The following ATRNL1 variants were observed in gnomAD, a reference collection of about 807,000 sequenced individuals.
ATRNL1 encodes attractin like 1.
ATRNL1 carries 95 observed loss-of-function variants against 182.7 expected under a neutral mutation model. The ratio of observed to expected loss-of-function variants is 0.52; its 90% CI spans 0.44 to 0.62. The LOEUF (loss-of-function observed/expected upper bound fraction) is 0.62, where lower values mean the gene tolerates loss of function less well. Ranked by LOEUF, ATRNL1 falls within the 20% of genes least tolerant of loss-of-function variation. The probability of loss-of-function intolerance (pLI) is 0.00; values close to 1 mark genes in which losing one functional copy is unlikely to be tolerated. For synonymous variants in ATRNL1, 576 were observed against 568.3 expected (o/e 1.01, Z -0.19); for missense variants, 1,471 against 1,679.5 (o/e 0.88, Z 2.17).
At chr10:115,778,899 A>C (rs2134184117) in intron 27 of ATRNL1, among the ~76,000 whole-genome samples, 1 of 152,320 alleles carries the variant, frequency 6.6e-6, no homozygotes, top group Admixed American at 6.5e-5. Context: ...AAGGGATATA[A>C]CCTTGCAACC....
chr10:115,520,134 C>T (rs1391824572), intron 25 of ATRNL1, among the ~76,000 whole-genome samples: 2 of 152,170 alleles, frequency 1.3e-5, no homozygotes, highest in African/African-American at 4.8e-5. Flanking sequence ...TACAGCCCCA[C>T]ATCATGGCAC....
At chr10:115,564,195 G>A (rs1371365107) in intron 26 of ATRNL1, among the ~76,000 whole-genome samples, 2 of 151,952 alleles carry the variant, frequency 1.3e-5, no homozygotes, top group Non-Finnish European at 2.9e-5. Flanking sequence ...CATTATTAGA[G>A]TATATTGAAT....
At chr10:115,661,079 A>AT (rs1368665584) in intron 26 of ATRNL1, among the ~76,000 whole-genome samples, 3 of 151,936 alleles carry the variant, frequency 2.0e-5, no homozygotes, top group East Asian at 1.9e-4. Context: ...CAAAGACTAT[A>AT]TTTTTTTTGT....
intron 26 of ATRNL1, among the ~76,000 whole-genome samples, chr10:115,602,442 C>A (rs4751917): frequency 0.49 from 72,518 of 148,274 alleles, 17,801 homozygotes; most frequent in Middle Eastern, 0.54. Context: ...TTTACACACA[C>A]AAAAAAACTC....
At chr10:115,516,382 T>C (rs1850637255) in intron 24 of ATRNL1, among the ~76,000 whole-genome samples, 2 of 151,708 alleles carry the variant, frequency 1.3e-5, no homozygotes, top group Non-Finnish European at 2.9e-5. Context: ...CTTCTCTCTC[T>C]AAATTATGTA....
At chr10:115,296,788 T>A (rs1853215871) in intron 15 of ATRNL1, among the ~76,000 whole-genome samples, 1 of 152,178 alleles carries the variant, frequency 6.6e-6, no homozygotes, top group East Asian at 1.9e-4. Flanking sequence ...CTGTAGCTAT[T>A]TTTCTGTGAA....
intron 26 of ATRNL1, among the ~76,000 whole-genome samples, chr10:115,588,729 C>T (rs1855727007): frequency 6.6e-6 from 1 of 152,076 alleles, no homozygotes. Flanking sequence ...TTCTTATTTT[C>T]CCAGTGTGTA....
chr10:115,645,387 A>G (rs2133866737), intron 26 of ATRNL1, among the ~76,000 whole-genome samples: 1 of 148,892 alleles, frequency 6.7e-6, no homozygotes, highest in South Asian at 2.1e-4. Context: ...TTCCTCCTCT[A>G]CACTGTTCCT....
At chr10:115,725,329 G>T (rs1947561011) in intron 26 of ATRNL1, among the ~76,000 whole-genome samples, 1 of 152,062 alleles carries the variant, frequency 6.6e-6, no homozygotes, top group African/African-American at 2.4e-5. Flanking sequence ...ATAGATTACA[G>T]TCCATGGAAC....
At chr10:115,724,421 G>A (rs1025739600) in intron 26 of ATRNL1, among the ~76,000 whole-genome samples, 3 of 152,150 alleles carry the variant, frequency 2.0e-5, no homozygotes, top group Non-Finnish European at 4.4e-5. Context: ...GACAAAAATA[G>A]TGCTTGAAAT....
chr10:115,593,591 C>G (rs1278271492), intron 26 of ATRNL1, among the ~76,000 whole-genome samples: 3 of 152,228 alleles, frequency 2.0e-5, no homozygotes, highest in Non-Finnish European at 2.9e-5. Context: ...CCACAAATGC[C>G]TACACTTATA....
chr10:115,672,831 T>C (rs1206302117), intron 26 of ATRNL1, among the ~76,000 whole-genome samples: 2 of 152,080 alleles, frequency 1.3e-5, no homozygotes, highest in African/African-American at 4.8e-5. Context: ...GAAATTCCTT[T>C]CTGAATATCC....
chr10:115,386,758 T>C (rs1271074375), intron 19 of ATRNL1, among the ~76,000 whole-genome samples: 1 of 150,904 alleles, frequency 6.6e-6, no homozygotes, highest in Non-Finnish European at 1.5e-5. Context: ...TGGTGTGCTG[T>C]ACCCATTAAC....
chr10:115,490,962 T>C (rs139603670), intron 24 of ATRNL1, among the ~76,000 whole-genome samples: 18 of 152,298 alleles, frequency 1.2e-4, no homozygotes, highest in Non-Finnish European at 1.9e-4. Flanking sequence ...TTCTGTTTGT[T>C]AGTTTTTCCT....
At chr10:115,342,039 C>T (rs1855775514) in intron 19 of ATRNL1, among the ~76,000 whole-genome samples, 1 of 152,040 alleles carries the variant, frequency 6.6e-6, no homozygotes, top group Admixed American at 6.6e-5. Context: ...GGACTTACTT[C>T]TGCCATTTTA....
intron 8 of ATRNL1, among the ~76,000 whole-genome samples, chr10:115,187,919 A>G (rs1003673248): frequency 3.3e-5 from 5 of 151,608 alleles, no homozygotes; most frequent in Non-Finnish European, 7.4e-5. Flanking sequence ...TGATCTCATG[A>G]TCCACCCACC....
At chr10:115,245,413 C>T (rs781864860) in intron 10 of ATRNL1, among the ~76,000 whole-genome samples, 6 of 146,274 alleles carry the variant, frequency 4.1e-5, no homozygotes, top group African/African-American at 1.0e-4. Flanking sequence ...GCAGGAGAAT[C>T]GCTTGTACCC....
At chr10:115,465,227 A>G (rs1847997118) in intron 22 of ATRNL1, among the ~76,000 whole-genome samples, 1 of 151,688 alleles carries the variant, frequency 6.6e-6, no homozygotes, top group South Asian at 2.1e-4. Flanking sequence ...TGAAACTGTT[A>G]TTGGATTCAA....
At chr10:115,683,474 A>T (rs1555045319) in intron 26 of ATRNL1, among the ~76,000 whole-genome samples, 1 of 151,252 alleles carries the variant, frequency 6.6e-6, no homozygotes, top group Non-Finnish European at 1.5e-5. Context: ...CTCTTAGATA[A>T]TGAAAATGAA....
Sources: allele counts gnomAD v4.1 joint callset (sites outside exome capture counted in the v4.1 genomes callset), GRCh38; gene constraint gnomAD v4.1.1; transcripts MANE v1.5; gene names NCBI Gene and HGNC (gene_info 2026-07-23, HGNC 2026-07-21).